The following SNTG1 variants were observed in gnomAD, a reference collection of about 807,000 sequenced individuals.
SNTG1 encodes the protein syntrophin gamma 1.
In SNTG1, 39 loss-of-function variants were observed where a neutral mutation model predicts 74.7. The observed-to-expected ratio is 0.52, with a 90% confidence interval of 0.40 to 0.68. The LOEUF is 0.68. SNTG1 is among the 30% of genes least tolerant of loss of function. SNTG1 has a pLI of 0.00. For missense variants in SNTG1, 685 were observed against 609.5 expected (o/e 1.12, Z -1.30); for synonymous variants, 254 against 217.1 (o/e 1.17, Z -1.49).
intron 1 of SNTG1, among the ~76,000 whole-genome samples, chr8:50,131,792 T>C (rs953164646): frequency 3.3e-5 from 5 of 152,090 alleles, no homozygotes; most frequent in African/African-American, 1.2e-4. Context: ...TGTACCAATT[T>C]ACGTTTCCCA....
At chr8:50,707,115 T>C (rs937118377) in intron 16 of SNTG1, among the ~76,000 whole-genome samples, 1 of 152,142 alleles carries the variant, frequency 6.6e-6, no homozygotes, top group South Asian at 2.1e-4. Flanking sequence ...GAGACTTCAA[T>C]GAGTCTCAAT....
chr8:50,140,806 G>A (rs2081631801), intron 1 of SNTG1, among the ~76,000 whole-genome samples: 1 of 152,086 alleles, frequency 6.6e-6, no homozygotes, highest in African/African-American at 2.4e-5. Context: ...TTTAAAACAT[G>A]GTCATTTTGG....
chr8:50,284,740 T>A (rs767488172), intron 2 of SNTG1, among the ~76,000 whole-genome samples: 8 of 152,156 alleles, frequency 5.3e-5, no homozygotes, highest in Non-Finnish European at 1.2e-4. Context: ...AGAACATAAA[T>A]GTATTTATTA....
chr8:50,253,383 A>G (rs1412281976), intron 2 of SNTG1, among the ~76,000 whole-genome samples: 30 of 152,114 alleles, frequency 2.0e-4, no homozygotes, highest in Non-Finnish European at 4.4e-5. Flanking sequence ...AGATCACACG[A>G]TTGCATTTCA....
chr8:50,276,688 T>TC (rs2130367019), intron 2 of SNTG1, among the ~76,000 whole-genome samples: 2 of 152,170 alleles, frequency 1.3e-5, no homozygotes, highest in Non-Finnish European at 2.9e-5. Flanking sequence ...CCTGAAGTAT[T>TC]AAATATCAAA....
chr8:50,493,550 C>T (rs764705747), intron 8 of SNTG1, among the ~76,000 whole-genome samples: 55 of 152,164 alleles, frequency 3.6e-4, no homozygotes, highest in Non-Finnish European at 6.2e-4. Flanking sequence ...CTTCCTAATA[C>T]GCTTTATCAT....
chr8:50,312,698 T>G (rs1284348723), intron 2 of SNTG1, among the ~76,000 whole-genome samples: 3 of 149,950 alleles, frequency 2.0e-5, no homozygotes, highest in African/African-American at 7.5e-5. Context: ...CATGGCAAAA[T>G]ATGTTCATCT....
At chr8:50,419,335 C>CT (rs756650206) in intron 4 of SNTG1, among the ~76,000 whole-genome samples, 1 of 152,188 alleles carries the variant, frequency 6.6e-6, no homozygotes, top group Non-Finnish European at 1.5e-5. Flanking sequence ...AAAACTTAGA[C>CT]TTATACCCTC....
chr8:50,513,302 C>A (rs186601670), intron 9 of SNTG1, among the ~76,000 whole-genome samples: 2 of 151,838 alleles, frequency 1.3e-5, no homozygotes, highest in Non-Finnish European at 2.9e-5. Context: ...AGTACCTGGC[C>A]GTGTGAGGTG....
chr8:50,663,679 C>T lies in SNTG1; in HGVS notation c.1038+5016C>T, dbSNP rs559135111. Among the ~76,000 whole-genome samples the T allele has an allele frequency of 1.4e-4, 21 of 152,272 alleles. No homozygotes were observed. The South Asian group carries it at 4.1e-3, about 30-fold the overall frequency. On this transcript the variant is annotated intron_variant, in intron 15 of 18. Coordinates refer to ENST00000642720, the MANE Select transcript of SNTG1 (RefSeq NM_018967.5). ...TTACAGACTAAAATCTCAAGAAAGC[C>T]TCTAATTCTTCCTATTGTTATGTCA...
intron 2 of SNTG1, among the ~76,000 whole-genome samples, chr8:50,353,149 G>T (rs902931431): frequency 2.0e-5 from 3 of 151,218 alleles, no homozygotes; most frequent in Admixed American, 1.3e-4. Flanking sequence ...GCAAACTATC[G>T]CAAGGACAAA....
chr8:50,599,756 G>A (rs2094759182), intron 13 of SNTG1, among the ~76,000 whole-genome samples: 1 of 151,996 alleles, frequency 6.6e-6, no homozygotes, highest in Non-Finnish European at 1.5e-5. Flanking sequence ...TTCCAAACAA[G>A]GATAATTTGA....
chr8:50,737,004 T>G (rs1339483085), intron 17 of SNTG1, among the ~76,000 whole-genome samples: 2 of 151,532 alleles, frequency 1.3e-5, no homozygotes, highest in Non-Finnish European at 2.9e-5. Context: ...TTAAAAGAAC[T>G]AGAGAAGTAA....
chr8:49,942,966 A>G (rs1469722075), intron 1 of SNTG1, among the ~76,000 whole-genome samples: 1 of 152,210 alleles, frequency 6.6e-6, no homozygotes, highest in Non-Finnish European at 1.5e-5. Flanking sequence ...TTTATTATCT[A>G]CAAAAAATAT....
Position 50,194,374 on chromosome 8 carries a change from T to C in SNTG1, c.-28+21739T>C, listed in dbSNP as rs527318313. ...TTGATATTGTTCTGTTCAGGGTATC[T>C]AATTCTTCTTGATTTAAGCCAGGAA... On this transcript the variant is annotated intron_variant, in intron 2 of 18. Transcript: ENST00000642720. 2.0e-5 allele frequency among the ~76,000 whole-genome samples: 3 copies of C among 152,236 alleles called. No individual in the cohort carries two copies. The South Asian group carries it at 6.2e-4, about 32-fold the overall frequency.
chr8:50,301,740 G>A (rs767264382), intron 2 of SNTG1, among the ~76,000 whole-genome samples: 11 of 151,860 alleles, frequency 7.2e-5, no homozygotes, highest in South Asian at 2.1e-4. Context: ...ATTTATTTTG[G>A]TCATTCATTT....
chr8:50,023,307 G>A (rs1008006064), intron 1 of SNTG1, among the ~76,000 whole-genome samples: 3 of 152,078 alleles, frequency 2.0e-5, no homozygotes, highest in African/African-American at 7.2e-5. Context: ...AGAGCACATT[G>A]GTTACATGGC....
At chr8:50,570,591 G>A (rs144442105) in intron 12 of SNTG1, among the ~76,000 whole-genome samples, 1,546 of 130,118 alleles carry the variant, frequency 0.012, 31 homozygotes, top group African/African-American at 0.039. Context: ...TATTATTGTT[G>A]TTATTATTAT....
At chr8:50,203,774 G>A (rs1382217669) in intron 2 of SNTG1, among the ~76,000 whole-genome samples, 1 of 151,486 alleles carries the variant, frequency 6.6e-6, no homozygotes, top group Non-Finnish European at 1.5e-5. Flanking sequence ...CTGTGTGTGT[G>A]TGTTTCTGTG....
Sources: allele counts gnomAD v4.1 joint callset (sites outside exome capture counted in the v4.1 genomes callset), GRCh38; gene constraint gnomAD v4.1.1; transcripts MANE v1.5; gene names NCBI Gene and HGNC (gene_info 2026-07-23, HGNC 2026-07-21).